Variants in RNF138 observed in about 807,000 individuals in gnomAD.
RNF138 encodes the protein E3 ubiquitin-protein ligase RNF138.
In RNF138, 12 loss-of-function variants were observed where a neutral mutation model predicts 31.0. The observed-to-expected ratio is 0.39, with a 90% CI of 0.25 to 0.63. RNF138 has a LOEUF of 0.63. Among genes scored for constraint, RNF138 ranks in the 20% least tolerant of loss-of-function variants. The probability of loss-of-function intolerance (pLI) is 0.52; values close to 1 mark genes in which losing one functional copy is unlikely to be tolerated. For missense variants in RNF138, 192 were observed against 300.1 expected (o/e 0.64, Z 2.66); for synonymous variants, 105 against 99.5 (o/e 1.06, Z -0.33).
intron 2 of RNF138, among the ~76,000 whole-genome samples, chr18:32,101,736 A>G (rs2039943992): frequency 6.6e-6 from 1 of 152,166 alleles, no homozygotes; most frequent in African/African-American, 2.4e-5. Context: ...CTATAAAAGT[A>G]TATTTGTAAT....
chr18:32,129,510 G>T lies in RNF138; in HGVS notation c.*323G>T. ...TATTATGTTGCTTTTGAAATTTGATGCATTCCTCCCATTTACTTTATTATT... is the reference window on the plus strand; with the variant it reads ...TATTATGTTGCTTTTGAAATTTGATTCATTCCTCCCATTTACTTTATTATT... On this transcript the variant is annotated 3_prime_UTR_variant, in exon 8 of 8. Transcript: ENST00000261593. 9.2e-6 allele frequency: 2 copies of T among 217,290 alleles called. No homozygotes were observed. Among genetic ancestry groups the T allele is most frequent in the South Asian group, 9.1e-5 (1 of 10,970 alleles). The allele number at this position is 217,290 out of a possible 1,614,324, so 13.5% of individuals were successfully genotyped here.
intron 4 of RNF138, among the ~76,000 whole-genome samples, chr18:32,120,374 T>C (rs2040284114): frequency 6.6e-6 from 1 of 152,218 alleles, no homozygotes; most frequent in South Asian, 2.1e-4. Flanking sequence ...AAAAGCATTG[T>C]GCTTACTATT....
rs539753748 is a variant in RNF138 at position 32,093,770 on chromosome 18, C to T, written c.110+884C>T. On this transcript the variant is annotated intron_variant, in intron 2 of 7. Transcript: ENST00000261593. ...AACTTTGATAAAATTTTATGGACAG[C>T]TAGGGTGTGAGTAAGGGTTGGAAAG... Among the ~76,000 whole-genome samples, 41 of 152,170 alleles carry T rather than the reference C, an allele frequency of 2.7e-4. No individual in the cohort carries two copies. The East Asian group carries it at 7.3e-3, about 27-fold the overall frequency.
chr18:32,097,269 C>A (rs2039825754), intron 2 of RNF138, among the ~76,000 whole-genome samples: 1 of 152,164 alleles, frequency 6.6e-6, no homozygotes, highest in Non-Finnish European at 1.5e-5. Flanking sequence ...ATAAAAATTA[C>A]ATATAACAAG....
At chr18:32,100,845 T>A (rs746549917) in intron 2 of RNF138, among the ~76,000 whole-genome samples, 23 of 152,204 alleles carry the variant, frequency 1.5e-4, no homozygotes, top group Non-Finnish European at 2.9e-5. Flanking sequence ...GCTCAAGCGA[T>A]CTGCTCGCCT....
intron 2 of RNF138, among the ~76,000 whole-genome samples, chr18:32,111,152 C>G (rs16962691): frequency 6.6e-6 from 1 of 152,298 alleles, no homozygotes; most frequent in East Asian, 1.9e-4. Flanking sequence ...TCCCTACTTC[C>G]GGACCAAATA....
intron 2 of RNF138, among the ~76,000 whole-genome samples, chr18:32,093,196 G>C (rs2039739251): frequency 6.6e-6 from 1 of 152,006 alleles, no homozygotes; most frequent in Admixed American, 6.5e-5. Flanking sequence ...TCCCTGCGGC[G>C]TCTTCAGGCC....
chr18:32,126,528 A>G (rs923844248), intron 6 of RNF138, among the ~76,000 whole-genome samples, 165 bp from the exon 7 acceptor site: 3 of 152,218 alleles, frequency 2.0e-5, no homozygotes, highest in Non-Finnish European at 2.9e-5. Context: ...TCATTTATCT[A>G]AGGTAATTGA....
rs2040477403 is a variant in RNF138 at position 32,131,433 on chromosome 18, T to TACTC, written c.*2247_*2250dup. ...GAATTAAAGGAGGGAATTGTATTGA[T>TACTC]ACTCCAATACCTAAATTTCACAATA... On this transcript the variant is annotated 3_prime_UTR_variant, in exon 8 of 8. Transcript: ENST00000261593. The TACTC allele has an allele frequency of 6.6e-6, 1 of 152,200 alleles. No individual in the cohort carries two copies. The highest frequency in any genetic ancestry group is 2.4e-5 in the African/African-American group (1 of 41,464). The allele number at this position is 152,200 out of a possible 1,614,324, so 9.4% of individuals were successfully genotyped here.
intron 2 of RNF138, among the ~76,000 whole-genome samples, chr18:32,104,558 A>T (rs1404327822): frequency 6.6e-6 from 1 of 151,906 alleles, no homozygotes; most frequent in Non-Finnish European, 1.5e-5. Context: ...AAACAAGAGA[A>T]ACAATAAGAG....
rs79421604 is a variant in RNF138, at chr18:32,115,782, C to T, written c.392+1922C>T. Reference sequence around the variant, plus strand: ...ACGCACACACACGCACGCACGCACACACACACTTCCTTATTCCAAAGCCCT... The same window carrying T: ...ACGCACACACACGCACGCACGCACATACACACTTCCTTATTCCAAAGCCCT... On this transcript the variant is annotated intron_variant, in intron 4 of 7. Transcript: ENST00000261593. Among the ~76,000 whole-genome samples the T allele has an allele frequency of 5.5e-3, 831 of 152,200 alleles. 5 individuals carry two copies. The highest frequency in any genetic ancestry group is 0.019 in the African/African-American group (796 of 41,530).
At chr18:32,116,207 A>G (rs2040214060) in intron 4 of RNF138, among the ~76,000 whole-genome samples, 2 of 152,124 alleles carry the variant, frequency 1.3e-5, no homozygotes, top group Admixed American at 6.5e-5. Context: ...TTTACCAGTA[A>G]TATCCCAACC....
chr18:32,097,304 A>G (rs2039826600), intron 2 of RNF138, among the ~76,000 whole-genome samples: 1 of 152,224 alleles, frequency 6.6e-6, no homozygotes, highest in Non-Finnish European at 1.5e-5. Context: ...GAACTCTTAA[A>G]AATGGAAATC....
chr18:32,099,533 G>A (rs12607933), intron 2 of RNF138, among the ~76,000 whole-genome samples: 5,530 of 152,212 alleles, frequency 0.036, 211 homozygotes, highest in East Asian at 0.24. Context: ...CTCCCGTGTA[G>A]CTGGAACTAC....
At chr18:32,126,471 AT>A (rs917314282) in intron 6 of RNF138, among the ~76,000 whole-genome samples, 1 of 152,160 alleles carries the variant, frequency 6.6e-6, no homozygotes, top group Non-Finnish European at 1.5e-5. Flanking sequence ...GTAATAAGAG[AT>A]TTAAGGAATA....
chr18:32,093,004 T>A (rs986963420), intron 2 of RNF138, 118 bp downstream of exon 2: 1 of 518,870 alleles, frequency 1.9e-6, no homozygotes. Flanking sequence ...TGCCCGAGCG[T>A]CGCTGCCCCG....
At chr18:32,123,819 A>G in intron 5 of RNF138, 1 of 240,576 alleles carries the variant, frequency 4.2e-6, no homozygotes, top group Admixed American at 5.7e-5. Context: ...CGCCCGGCTA[A>G]TTTTTGTATT....
intron 2 of RNF138, among the ~76,000 whole-genome samples, chr18:32,102,195 C>CTT (rs1167535943): frequency 0.021 from 1,342 of 63,800 alleles, 37 homozygotes; most frequent in Middle Eastern, 0.06. Flanking sequence ...CTTTTAGTTT[C>CTT]TTTTTTTTTT....
chr18:32,116,195 CTT>C (rs1455875852), intron 4 of RNF138, among the ~76,000 whole-genome samples: 1 of 152,182 alleles, frequency 6.6e-6, no homozygotes, highest in Non-Finnish European at 1.5e-5. Context: ...CACCTCCACA[CTT>C]TTACCAGTAA....
Sources: allele counts gnomAD v4.1 joint callset (sites outside exome capture counted in the v4.1 genomes callset), GRCh38; gene constraint gnomAD v4.1.1; transcripts MANE v1.5; gene names NCBI Gene and HGNC (gene_info 2026-07-23, HGNC 2026-07-21).